Variants in ANKRD11 observed in about 807,000 individuals in gnomAD.
ANKRD11 encodes ankyrin repeat domain 11, also known as ankyrin repeat domain-containing protein 11.
Under a neutral mutation model 195.7 loss-of-function variants are expected in ANKRD11, and 17 were observed. That is an observed-to-expected ratio of 0.09 (90% CI 0.06 to 0.13). ANKRD11 has a LOEUF of 0.13. ANKRD11 is among the 10% of genes least tolerant of loss of function. The pLI, the probability that ANKRD11 is intolerant of heterozygous loss-of-function variation, is 1.00. For missense variants in ANKRD11, 3,735 were observed against 3,566.1 expected (o/e 1.05, Z -1.21); for synonymous variants, 1,953 against 1,528.1 (o/e 1.28, Z -6.49).
At chr16:89,337,366 ACACT>A (rs1373357404) in intron 2 of ANKRD11, among the ~76,000 whole-genome samples, 3 of 147,578 alleles carry the variant, frequency 2.0e-5, no homozygotes, top group Non-Finnish European at 4.5e-5. Context: ...TTGCCATCAG[ACACT>A]CACAGTTTTT....
At chr16:89,301,695 C>G (rs1182067897) in intron 4 of ANKRD11, 2 of 398,612 alleles carry the variant, frequency 5.0e-6, no homozygotes, top group South Asian at 1.3e-4. Flanking sequence ...AGCCTCCAGG[C>G]TGCTGTGCAG....
intron 2 of ANKRD11, among the ~76,000 whole-genome samples, chr16:89,409,162 T>C (rs548201130): frequency 6.6e-6 from 1 of 152,250 alleles, no homozygotes. Context: ...ATTTTTTAGG[T>C]GAAGCCGACG....
chr16:89,427,383 C>T (rs1366761891), intron 1 of ANKRD11, among the ~76,000 whole-genome samples: 7 of 152,218 alleles, frequency 4.6e-5, no homozygotes, highest in South Asian at 2.1e-4. Context: ...AGAATTCCAA[C>T]GGCCTTTTTT....
chr16:89,309,976 T>C (rs2036520915), intron 3 of ANKRD11, among the ~76,000 whole-genome samples: 1 of 152,188 alleles, frequency 6.6e-6, no homozygotes, highest in Non-Finnish European at 1.5e-5. Context: ...ACATGTCATA[T>C]GCAGATTCCC....
chr16:89,356,062 T>C (rs550079179), intron 2 of ANKRD11, among the ~76,000 whole-genome samples: 9 of 152,272 alleles, frequency 5.9e-5, no homozygotes, highest in African/African-American at 2.2e-4. Context: ...GCCTGGGCAC[T>C]GGAGTGAGAC....
intron 1 of ANKRD11, among the ~76,000 whole-genome samples, chr16:89,483,974 AG>A (rs1323936595): frequency 6.6e-6 from 1 of 152,214 alleles, no homozygotes; most frequent in African/African-American, 2.4e-5. Flanking sequence ...ATTATAGTGA[AG>A]AAAAAATCCA....
At chr16:89,390,899 A>T (rs955233873) in intron 2 of ANKRD11, among the ~76,000 whole-genome samples, 2 of 152,160 alleles carry the variant, frequency 1.3e-5, no homozygotes, top group African/African-American at 4.8e-5. Flanking sequence ...TGAACATGTA[A>T]GTGTCACCCT....
At chr16:89,333,729 C>A (rs2038187456) in intron 2 of ANKRD11, among the ~76,000 whole-genome samples, 1 of 152,114 alleles carries the variant, frequency 6.6e-6, no homozygotes, top group African/African-American at 2.4e-5. Flanking sequence ...ATCCATTCAC[C>A]CTCTGCAGGA....
At chr16:89,379,219 C>T (rs1403630943) in intron 2 of ANKRD11, among the ~76,000 whole-genome samples, 3 of 152,332 alleles carry the variant, frequency 2.0e-5, no homozygotes, top group South Asian at 2.1e-4. Flanking sequence ...GGGTGCACAC[C>T]GTCTGTATGT....
intron 1 of ANKRD11, among the ~76,000 whole-genome samples, chr16:89,481,845 G>C (rs952376130): frequency 1.3e-5 from 2 of 151,672 alleles, no homozygotes; most frequent in African/African-American, 4.9e-5. Context: ...TCCCGAAGTC[G>C]AAGATGCCCT....
At chr16:89,396,633 C>T (rs183549980) in intron 2 of ANKRD11, among the ~76,000 whole-genome samples, 13 of 152,230 alleles carry the variant, frequency 8.5e-5, no homozygotes, top group Admixed American at 8.5e-4. Flanking sequence ...TGAAGCCACA[C>T]ATTAATGGGG....
At chr16:89,386,925 C>A (rs987287952) in intron 2 of ANKRD11, among the ~76,000 whole-genome samples, 1 of 152,072 alleles carries the variant, frequency 6.6e-6, no homozygotes, top group East Asian at 1.9e-4. Flanking sequence ...CACGCCTCGA[C>A]CACCGAGTCA....
At chr16:89,354,558 T>C (rs1200339386) in intron 2 of ANKRD11, among the ~76,000 whole-genome samples, 1 of 152,114 alleles carries the variant, frequency 6.6e-6, no homozygotes, top group African/African-American at 2.4e-5. Flanking sequence ...ACTCAAGAGA[T>C]TTGATTGTGT....
chr16:89,279,720 G>A lies in ANKRD11; in HGVS notation c.6822C>T (p.Pro2274=), dbSNP rs148730499. 68 of 1,534,324 alleles carry A rather than the reference G, an allele frequency of 4.4e-5. No individual in the cohort carries two copies. In the Middle Eastern group the frequency reaches 1.2e-3, roughly 27 times the overall value. Residue 2274 remains proline, a synonymous_variant, in exon 9 of 13, where the codon CCC becomes CCT. Coordinates refer to ENST00000301030, the MANE Select transcript of ANKRD11 (RefSeq NM_013275.6). The surrounding 1 kb of genome is among the most constrained non-coding windows in gnomAD (Gnocchi z 5.6). ...PAASLCAPDG[P]APNTVAQAQA... ...GAGCTTGTGCCACAGTGTTCGGGGC[G>A]GGGCCGTCAGGGGCACAGAGGGACG...
intron 2 of ANKRD11, among the ~76,000 whole-genome samples, chr16:89,366,682 C>A (rs879875071): frequency 6.6e-6 from 1 of 152,190 alleles, no homozygotes; most frequent in Admixed American, 6.5e-5. Flanking sequence ...TGAGACATGT[C>A]TAGACAGAGG....
intron 2 of ANKRD11, among the ~76,000 whole-genome samples, chr16:89,390,820 C>T (rs757656394): frequency 6.6e-6 from 1 of 152,190 alleles, no homozygotes; most frequent in African/African-American, 2.4e-5. Context: ...CTCTGCGCTG[C>T]TCCCCACATG....
chr16:89,317,268 G>A (rs1175203264), intron 2 of ANKRD11, among the ~76,000 whole-genome samples, 190 bp from the exon 3 acceptor site: 2 of 152,214 alleles, frequency 1.3e-5, no homozygotes, highest in Non-Finnish European at 2.9e-5. Flanking sequence ...ACCAGCAACA[G>A]GAATGGCAGC....
At chr16:89,417,884 A>G (rs1353601218) in intron 2 of ANKRD11, among the ~76,000 whole-genome samples, 1 of 152,226 alleles carries the variant, frequency 6.6e-6, no homozygotes, top group African/African-American at 2.4e-5. Context: ...CCCAGGATAC[A>G]GAATCCTCAC....
intron 1 of ANKRD11, among the ~76,000 whole-genome samples, chr16:89,444,951 G>A (rs1450142024): frequency 1.3e-5 from 2 of 152,002 alleles, no homozygotes; most frequent in Non-Finnish European, 2.9e-5. Flanking sequence ...CACCACAGGA[G>A]CAGGCAGGCT....
Sources: allele counts gnomAD v4.1 joint callset (sites outside exome capture counted in the v4.1 genomes callset), GRCh38; gene constraint gnomAD v4.1.1; non-coding constraint Gnocchi (gnomAD v3.1); transcripts MANE v1.5; gene names NCBI Gene and HGNC (gene_info 2026-07-23, HGNC 2026-07-21).